AGPAT4: variants seen among roughly 807,000 people sequenced by gnomAD.
The protein encoded by AGPAT4 is 1-acylglycerol-3-phosphate O-acyltransferase 4, also known as 1-acyl-sn-glycerol-3-phosphate acyltransferase delta.
In AGPAT4, 15 loss-of-function variants were observed where a neutral mutation model predicts 48.0. That is an observed-to-expected ratio of 0.31 (90% CI 0.21 to 0.48). The LOEUF (loss-of-function observed/expected upper bound fraction) is 0.48. AGPAT4 is among the 20% of genes least tolerant of loss of function. AGPAT4 has a pLI of 0.99. For synonymous variants in AGPAT4, 178 were observed against 198.7 expected, an observed-to-expected ratio of 0.90 and a Z score of 0.88; for missense variants, 314 against 482.5, an observed-to-expected ratio of 0.65 and a Z score of 3.27.
In AGPAT4 at chr6:161,137,830, T is replaced by C. The variant is rs747361609; in HGVS notation, c.1043-1196A>G. ...CAGATGCTCCTGAAGACTCCCTGTG[T>C]CCACACTGCACCCCTCAGATGCTCC... On this transcript the variant is annotated intron_variant, in intron 8 of 8. Coordinates refer to ENST00000320285, the MANE Select transcript of AGPAT4 (RefSeq NM_020133.3). This position sits in a 1 kb window ranked among gnomAD's most constrained non-coding sequence, Gnocchi z 6.1. Among the ~76,000 whole-genome samples the C allele has an allele frequency of 1.3e-5, 2 of 151,798 alleles. No homozygotes were observed. The highest frequency in any genetic ancestry group is 2.4e-5 in the African/African-American group (1 of 41,252).
rs961614234 is a variant in AGPAT4 at position 161,130,752 on chromosome 6, T to C, written c.*5788A>G. The stretch of plus-strand genomic sequence containing the variant: ...AGTAAGGAAGCTCCAGTTGTAGCCT[T>C]GGCACAGCTGAGGCCATGCCATTGC... On this transcript the variant is annotated 3_prime_UTR_variant, in exon 9 of 9. Coordinates refer to ENST00000320285, the MANE Select transcript of AGPAT4 (RefSeq NM_020133.3). The C allele has an allele frequency of 8.5e-6, 4 of 467,924 alleles. No homozygotes were observed. The highest frequency in any genetic ancestry group is 3.5e-4 in the Middle Eastern group (1 of 2,876). 29.0% of individuals were successfully genotyped at this position (467,924 alleles called of 1,614,324 possible). A position where few individuals can be genotyped will look rare whatever the true frequency, so the allele number is the denominator to read the frequency against.
intron 2 of AGPAT4, among the ~76,000 whole-genome samples, chr6:161,205,720 C>A (rs561992101): frequency 1.9e-5 from 1 of 52,194 alleles, no homozygotes; most frequent in East Asian, 5.6e-4. Flanking sequence ...AAAAAAGCCA[C>A]AGAAAGGTTG....
chr6:161,157,736 T>TA (rs1211414614), intron 3 of AGPAT4, among the ~76,000 whole-genome samples: 1 of 152,234 alleles, frequency 6.6e-6, no homozygotes, highest in African/African-American at 2.4e-5. Flanking sequence ...GTTAAAATAT[T>TA]AAGGTAGAAG....
chr6:161,273,798 C>G (rs1245780704), intron 1 of AGPAT4, 140 bp downstream of exon 1: 2 of 149,708 alleles, frequency 1.3e-5, no homozygotes, highest in Non-Finnish European at 3.0e-5. Flanking sequence ...TTGCACTCCC[C>G]CCCCGCCCCC....
At chr6:161,213,647 A>C (rs568138716) in intron 2 of AGPAT4, among the ~76,000 whole-genome samples, 2 of 152,338 alleles carry the variant, frequency 1.3e-5, no homozygotes, top group African/African-American at 4.8e-5. Context: ...ATTTACATAC[A>C]TAAGCCACTT....
rs1783253732 is a variant in AGPAT4, at chr6:161,266,032, G to A, written c.-90+7906C>T. 6.6e-6 allele frequency among the ~76,000 whole-genome samples: 1 copy of A among 152,164 alleles called. No individual in the cohort carries two copies. The highest frequency in any genetic ancestry group is 1.5e-5 in the Non-Finnish European group (1 of 68,030). On this transcript the variant is annotated intron_variant, in intron 1 of 8. Transcript: ENST00000320285. The surrounding 1 kb of genome is among the most constrained non-coding windows in gnomAD (Gnocchi z 6.2). ...ACCGGATTCCTGAGTGTACCTGACA[G>A]AGCCGGGAATTCCCCCTCAAGCAGT...
rs546331592 is a variant in AGPAT4 at position 161,264,791 on chromosome 6, C to T, written c.-90+9147G>A. Among the ~76,000 whole-genome samples, 74 of 152,094 alleles carry T rather than the reference C, an allele frequency of 4.9e-4. No homozygotes were observed. The highest frequency in any genetic ancestry group is 8.7e-4 in the Non-Finnish European group (59 of 67,972). ...CTGTTGACCTTTGAGAGCCTGAAAG[C>T]GAGAAGGGAGAAGCGAGATGGGAAG... On this transcript the variant is annotated intron_variant, in intron 1 of 8. Transcript: ENST00000320285. The surrounding 1 kb of genome is among the most constrained non-coding windows in gnomAD (Gnocchi z 6.8).
chr6:161,257,167 C>A (rs1782965889), intron 1 of AGPAT4, among the ~76,000 whole-genome samples: 1 of 152,160 alleles, frequency 6.6e-6, no homozygotes, highest in Non-Finnish European at 1.5e-5. Context: ...TAGATGAATG[C>A]TAAAATGTTC....
intron 2 of AGPAT4, among the ~76,000 whole-genome samples, chr6:161,181,051 C>T (rs1780572376): frequency 6.6e-6 from 1 of 152,118 alleles, no homozygotes; most frequent in South Asian, 2.1e-4. Context: ...AGGAACTGGG[C>T]ATCAGCTCTG....
In AGPAT4 at chr6:161,166,344, C is replaced by T. The variant is rs755846433; in HGVS notation, c.252G>A (p.Lys84=). Residue 84 remains lysine, a synonymous_variant, in exon 3 of 9, where the codon AAG becomes AAA. Transcript: ENST00000320285. The surrounding 1 kb of genome is among the most constrained non-coding windows in gnomAD (Gnocchi z 6.7). The part of the protein sequence containing the change: ...TIFTDPRAYL[K]YGKENAIVVL... Reference sequence around the variant, plus strand: ...CCACGATGGCATTTTCCTTCCCATACTTGAGGTAGGCGCGCGGGTCCGTGA... The same window carrying T: ...CCACGATGGCATTTTCCTTCCCATATTTGAGGTAGGCGCGCGGGTCCGTGA... The T allele has an allele frequency of 2.5e-6, 4 of 1,614,178 alleles. No homozygotes were observed. The East Asian group carries it at 6.7e-5, about 27-fold the overall frequency.
chr6:161,164,036 G>A lies in AGPAT4; in HGVS notation c.348+2212C>T, dbSNP rs1346857763. On this transcript the variant is annotated intron_variant, in intron 3 of 8. Coordinates refer to ENST00000320285, the MANE Select transcript of AGPAT4 (RefSeq NM_020133.3). This position sits in a 1 kb window ranked among gnomAD's most constrained non-coding sequence, Gnocchi z 7.4. ...ATATCACCGATGAAATCAAGGGGAG[G>A]TGCGGTCCCTATGCTGCAGGTGGGA... Among the ~76,000 whole-genome samples, 1 of 152,184 alleles carries A rather than the reference G, an allele frequency of 6.6e-6. No homozygotes were observed. The highest frequency in any genetic ancestry group is 1.5e-5 in the Non-Finnish European group (1 of 68,038).
intron 1 of AGPAT4, among the ~76,000 whole-genome samples, chr6:161,268,803 G>A (rs530146746): frequency 4.9e-5 from 6 of 123,362 alleles, no homozygotes; most frequent in Admixed American, 1.5e-4. Flanking sequence ...CCAGGCTGAC[G>A]GTGGAACTTA....
At chr6:161,153,626 T>A in intron 4 of AGPAT4, 127 bp from the exon 5 acceptor site, 1 of 1,148,574 alleles carries the variant, frequency 8.7e-7, no homozygotes, top group South Asian at 1.5e-5. Context: ...CAGGGCCCCA[T>A]GGTTACATAC....
At chr6:161,271,171 T>C (rs1369244008) in intron 1 of AGPAT4, among the ~76,000 whole-genome samples, 1 of 152,216 alleles carries the variant, frequency 6.6e-6, no homozygotes, top group African/African-American at 2.4e-5. Flanking sequence ...GCTCTACTTC[T>C]ATACTAAAGA....
chr6:161,213,198 T>C (rs1317912202), intron 2 of AGPAT4, among the ~76,000 whole-genome samples: 1 of 152,178 alleles, frequency 6.6e-6, no homozygotes, highest in Non-Finnish European at 1.5e-5. Context: ...TTTAAAAAAG[T>C]CTTATCTGAG....
chr6:161,190,638 T>TTA (rs1268582523), intron 2 of AGPAT4, among the ~76,000 whole-genome samples: 3 of 142,876 alleles, frequency 2.1e-5, no homozygotes, highest in African/African-American at 7.8e-5. Context: ...ATCAAAGGAG[T>TTA]AGAAAGATTC....
In AGPAT4 at chr6:161,254,796, G is replaced by A. The variant is rs150787119; in HGVS notation, c.-90+19142C>T. Among the ~76,000 whole-genome samples, 89 of 152,270 alleles carry A rather than the reference G, an allele frequency of 5.8e-4. 1 individual carries two copies. In the East Asian group the frequency reaches 0.017, roughly 29 times the overall value. ...TCTGTAAATACCGACTCAATTTAGAGAACAAACATGGATTCAATACTAAAA... is the reference window on the plus strand; with the variant it reads ...TCTGTAAATACCGACTCAATTTAGAAAACAAACATGGATTCAATACTAAAA... On this transcript the variant is annotated intron_variant, in intron 1 of 8. Coordinates refer to ENST00000320285, the MANE Select transcript of AGPAT4 (RefSeq NM_020133.3). This position sits in a 1 kb window ranked among gnomAD's most constrained non-coding sequence, Gnocchi z 5.9.
intron 3 of AGPAT4, among the ~76,000 whole-genome samples, chr6:161,162,890 T>C (rs1240015649): frequency 6.6e-6 from 1 of 152,242 alleles, no homozygotes; most frequent in Non-Finnish European, 1.5e-5. Context: ...CTCAGGAACC[T>C]GACCTGCGCT....
Position 161,138,225 on chromosome 6 carries a change from G to A in AGPAT4, c.1042+1197C>T, listed in dbSNP as rs187450243. Among the ~76,000 whole-genome samples, 6 of 152,314 alleles carry A rather than the reference G, an allele frequency of 3.9e-5. No homozygotes were observed. The highest frequency in any genetic ancestry group is 1.3e-4 in the Admixed American group (2 of 15,304). On this transcript the variant is annotated intron_variant, in intron 8 of 8. Transcript: ENST00000320285. This position sits in a 1 kb window ranked among gnomAD's most constrained non-coding sequence, Gnocchi z 4.8. ...ACCTCTTATTTTTTTCCCTTACACG[G>A]TGTGGGTGTTGTTTTAATATTTTAA...
Sources: allele counts gnomAD v4.1 joint callset (sites outside exome capture counted in the v4.1 genomes callset), GRCh38; gene constraint gnomAD v4.1.1; non-coding constraint Gnocchi (gnomAD v3.1); transcripts MANE v1.5; gene names NCBI Gene and HGNC (gene_info 2026-07-23, HGNC 2026-07-21).